NCALD: variants seen among roughly 807,000 people sequenced by gnomAD.
The protein encoded by NCALD is neurocalcin-delta.
NCALD carries 10 observed loss-of-function variants against 18.6 expected under a neutral mutation model. The observed-to-expected ratio is 0.54, with a 90% CI of 0.33 to 0.91. NCALD has a LOEUF of 0.91. NCALD is among the 40% of genes least tolerant of loss of function. The pLI, the probability that NCALD is intolerant of heterozygous loss-of-function variation, is 0.03. For missense variants in NCALD, 184 were observed against 247.6 expected (o/e 0.74, Z 1.72); for synonymous variants, 88 against 87.4 (o/e 1.01, Z -0.04).
intron 2 of NCALD, among the ~76,000 whole-genome samples, chr8:101,697,893 C>T (rs985166452): frequency 6.6e-6 from 1 of 152,188 alleles, no homozygotes; most frequent in African/African-American, 2.4e-5. Context: ...AACAAGTATG[C>T]CTTGTCTCAC....
chr8:101,692,965 C>T, intron 2 of NCALD, 69 bp from the exon 3 acceptor site: 1 of 1,149,606 alleles, frequency 8.7e-7, no homozygotes, highest in Non-Finnish European at 1.3e-6. Context: ...TATCATTAAA[C>T]CTCCCAAATG....
intron 1 of NCALD, among the ~76,000 whole-genome samples, chr8:102,039,433 G>A (rs1822976145): frequency 6.6e-6 from 1 of 152,118 alleles, no homozygotes; most frequent in South Asian, 2.1e-4. Context: ...TTCACCCCAA[G>A]GAGCCTAAGA....
chr8:102,113,668 T>C (rs1289983960), intron 1 of NCALD, among the ~76,000 whole-genome samples: 2 of 152,224 alleles, frequency 1.3e-5, no homozygotes, highest in East Asian at 1.9e-4. Flanking sequence ...TTGTGCCTGC[T>C]GTTTTGCTGT....
chr8:101,734,329 C>A (rs1816981313), intron 1 of NCALD, among the ~76,000 whole-genome samples: 1 of 152,186 alleles, frequency 6.6e-6, no homozygotes, highest in South Asian at 2.1e-4. Context: ...CTCTGACCAC[C>A]CGGAACATGA....
chr8:101,811,658 T>C (rs535333974), intron 4 of NCALD, among the ~76,000 whole-genome samples: 1 of 151,182 alleles, frequency 6.6e-6, no homozygotes, highest in African/African-American at 2.4e-5. Flanking sequence ...TGGGAGAGAG[T>C]TTAAGTATCC....
At chr8:101,844,246 G>A (rs1372277900) in intron 4 of NCALD, among the ~76,000 whole-genome samples, 1 of 152,122 alleles carries the variant, frequency 6.6e-6, no homozygotes, top group East Asian at 1.9e-4. Context: ...TTTCCCTTGA[G>A]TTCCGATGAT....
chr8:102,073,514 A>C (rs1024408003), intron 1 of NCALD, among the ~76,000 whole-genome samples: 1 of 147,926 alleles, frequency 6.8e-6, no homozygotes, highest in African/African-American at 2.5e-5. Context: ...GCAGAATTAC[A>C]GTAAAAATAT....
At chr8:101,714,492 A>C (rs997717125) in intron 2 of NCALD, among the ~76,000 whole-genome samples, 1 of 152,244 alleles carries the variant, frequency 6.6e-6, no homozygotes, top group African/African-American at 2.4e-5. Flanking sequence ...GAAATAAGAG[A>C]GGACATAAAC....
At chr8:101,852,812 T>C (rs990336257) in intron 4 of NCALD, 2 of 152,142 alleles carry the variant, frequency 1.3e-5, no homozygotes, top group Non-Finnish European at 2.9e-5. Context: ...TCAGCTGTTG[T>C]TGCCGTATTG....
chr8:101,804,183 G>C (rs1323519989), intron 4 of NCALD, among the ~76,000 whole-genome samples: 1 of 150,488 alleles, frequency 6.6e-6, no homozygotes, highest in African/African-American at 2.4e-5. Context: ...TGCATTATTA[G>C]CATTTTTAGA....
intron 4 of NCALD, among the ~76,000 whole-genome samples, chr8:101,863,262 T>A (rs1308734208): frequency 1.3e-5 from 2 of 152,188 alleles, no homozygotes; most frequent in African/African-American, 4.8e-5. Context: ...ACTATTTTCT[T>A]ATCAACCTTG....
At chr8:101,727,300 C>G (rs749892941) in intron 1 of NCALD, among the ~76,000 whole-genome samples, 1 of 152,138 alleles carries the variant, frequency 6.6e-6, no homozygotes. Context: ...CACTTCTTGC[C>G]GTTTCCATTG....
At chr8:101,871,157 A>C (rs893045072) in intron 4 of NCALD, among the ~76,000 whole-genome samples, 3 of 152,098 alleles carry the variant, frequency 2.0e-5, no homozygotes, top group Non-Finnish European at 4.4e-5. Context: ...TTCCTGGCGC[A>C]GCTTAACCAA....
At position 101,719,368 on chromosome 8, in the gene NCALD, C is replaced by T. The variant is rs1281774324; in HGVS notation, c.262G>A (p.Ala88Thr). The change falls in exon 2 of 4, where the codon GCC becomes ACC. Residue 88 changes from alanine (A) to threonine (T), a missense_variant. Physicochemically the swap from Ala to Thr is moderately conservative, Grantham distance 58. Coordinates refer to ENST00000220931, the MANE Select transcript of NCALD (RefSeq NM_032041.3). ...TTCCCCCTCGAAGTTACACTCAAGG[C>T]GATGATGAATTCTCTAAAGTCTATT... ...GTIDFREFII[A>T]LSVTSRGKLE... The T allele has an allele frequency of 2.1e-5, 34 of 1,614,080 alleles. No individual in the cohort carries two copies. The highest frequency in any genetic ancestry group is 2.0e-4 in the East Asian group (9 of 44,898).
At chr8:101,956,668 A>G (rs1819639330) in intron 2 of NCALD, among the ~76,000 whole-genome samples, 1 of 152,124 alleles carries the variant, frequency 6.6e-6, no homozygotes, top group Non-Finnish European at 1.5e-5. Flanking sequence ...TCTACTCTGG[A>G]CCATTAAATA....
chr8:101,800,106 G>A (rs527972152), intron 4 of NCALD, among the ~76,000 whole-genome samples: 14 of 152,146 alleles, frequency 9.2e-5, no homozygotes, highest in Non-Finnish European at 1.8e-4. Flanking sequence ...AGTCATTTAG[G>A]CATAAGAAAA....
chr8:101,914,049 A>G (rs1330740917), intron 3 of NCALD, among the ~76,000 whole-genome samples: 1 of 152,244 alleles, frequency 6.6e-6, no homozygotes, highest in African/African-American at 2.4e-5. Context: ...ATGTTGATAC[A>G]TTATTGTGAA....
chr8:101,699,017 A>G (rs1006893896), intron 2 of NCALD, among the ~76,000 whole-genome samples: 1 of 152,100 alleles, frequency 6.6e-6, no homozygotes, highest in African/African-American at 2.4e-5. Context: ...ATTTTTTTCA[A>G]TCTACCCATC....
At chr8:101,758,634 C>G (rs1810985073) in intron 1 of NCALD, among the ~76,000 whole-genome samples, 1 of 152,154 alleles carries the variant, frequency 6.6e-6, no homozygotes, top group Non-Finnish European at 1.5e-5. Flanking sequence ...TCTTCTGTCC[C>G]CATGTGTCCT....
Sources: allele counts gnomAD v4.1 joint callset (sites outside exome capture counted in the v4.1 genomes callset), GRCh38; gene constraint gnomAD v4.1.1; transcripts MANE v1.5; gene names NCBI Gene and HGNC (gene_info 2026-07-23, HGNC 2026-07-21).